The following CTNNA3 variants were observed in gnomAD, a reference collection of about 807,000 sequenced individuals.
CTNNA3 encodes the protein catenin alpha 3.
Under a neutral mutation model 95.7 loss-of-function variants are expected in CTNNA3, and 76 were observed. The ratio of observed to expected loss-of-function variants is 0.79; its 90% CI spans 0.66 to 0.96. CTNNA3 has a LOEUF of 0.96. Among genes scored for constraint, CTNNA3 ranks in the 40% least tolerant of loss-of-function variants. The pLI is 0.00. For synonymous variants in CTNNA3, 431 were observed against 374.4 expected (o/e 1.15, Z -1.74); for missense variants, 1,191 against 1,089.8 (o/e 1.09, Z -1.31).
intron 5 of CTNNA3, among the ~76,000 whole-genome samples, chr10:67,507,534 CAA>C (rs1053294630): frequency 9.3e-6 from 1 of 108,028 alleles, no homozygotes. Context: ...AACTCCATCT[CAA>C]AAAAAAAAGG....
At chr10:67,741,444 A>G (rs1164260042) in intron 1 of CTNNA3, among the ~76,000 whole-genome samples, 3 of 150,946 alleles carry the variant, frequency 2.0e-5, no homozygotes, top group Non-Finnish European at 4.4e-5. Context: ...TACTTTACAG[A>G]CAAGCAAATG....
At chr10:66,147,608 G>GTTTTTTTTTT (rs34193216) in intron 13 of CTNNA3, among the ~76,000 whole-genome samples, 25 of 105,758 alleles carry the variant, frequency 2.4e-4, no homozygotes, top group East Asian at 5.7e-4. Context: ...GTTGCTTTCA[G>GTTTTTTTTTT]TTTTTTTTTT....
rs190514940 is a variant in CTNNA3 at position 66,330,986 on chromosome 10, G to C, written c.1732+48166C>G. Among the ~76,000 whole-genome samples the C allele has an allele frequency of 3.3e-3, 507 of 152,154 alleles. 4 individuals carry two copies. Among genetic ancestry groups the C allele is most frequent in the African/African-American group, 0.011 (476 of 41,534 alleles). ...ATATTAGCCCTTTGTCAGATGAGTA[G>C]ATGGCAAAAATTTTCTCCCATTCTG... On this transcript the variant is annotated intron_variant, in intron 12 of 17. Transcript: ENST00000433211.
At chr10:65,948,600 A>G (rs555927338) in intron 17 of CTNNA3, among the ~76,000 whole-genome samples, 1 of 152,166 alleles carries the variant, frequency 6.6e-6, no homozygotes, top group East Asian at 1.9e-4. Flanking sequence ...AGGTCATATT[A>G]TTACCACAAA....
At chr10:66,236,278 C>G (rs1010726089) in intron 13 of CTNNA3, among the ~76,000 whole-genome samples, 1 of 152,074 alleles carries the variant, frequency 6.6e-6, no homozygotes, top group Non-Finnish European at 1.5e-5. Context: ...GATCAGTTGT[C>G]TTACAGAATT....
intron 12 of CTNNA3, among the ~76,000 whole-genome samples, chr10:66,309,421 A>G (rs556175993): frequency 1.9e-3 from 293 of 152,178 alleles, no homozygotes; most frequent in Non-Finnish European, 3.0e-3. Flanking sequence ...GGCCGGGTGC[A>G]GTGGCTCACG....
intron 13 of CTNNA3, among the ~76,000 whole-genome samples, chr10:66,140,892 T>C (rs1391114363): frequency 6.6e-6 from 1 of 152,192 alleles, no homozygotes; most frequent in Non-Finnish European, 1.5e-5. Flanking sequence ...TCATTGTTGT[T>C]GCTGTTGGTT....
rs1415873912 is a variant in CTNNA3, at chr10:67,237,145, T to C, written c.580-17275A>G. Among the ~76,000 whole-genome samples, 402 of 72,084 alleles carry C rather than the reference T, an allele frequency of 5.6e-3. 16 individuals are homozygous for C. Among genetic ancestry groups the C allele is most frequent in the East Asian group, 0.053 (146 of 2,738 alleles). 47.3% of individuals were successfully genotyped at this position (72,084 alleles called of 152,430 possible). On this transcript the variant is annotated intron_variant, in intron 5 of 17. Coordinates refer to ENST00000433211, the MANE Select transcript of CTNNA3 (RefSeq NM_013266.4). ...GTGTATGTATATATATATATATATA[T>C]ATATATATATATATATATATATATA...
At chr10:66,327,680 C>T (rs2092271875) in intron 12 of CTNNA3, among the ~76,000 whole-genome samples, 1 of 151,854 alleles carries the variant, frequency 6.6e-6, no homozygotes, top group African/African-American at 2.4e-5. Context: ...TTCTTAGGAC[C>T]CTATAATATG....
intron 3 of CTNNA3, among the ~76,000 whole-genome samples, chr10:67,580,231 T>A (rs1842335485): frequency 2.0e-5 from 3 of 152,240 alleles, no homozygotes; most frequent in African/African-American, 7.2e-5. Flanking sequence ...TTAATTTTTG[T>A]ATAAGGTGTA....
chr10:67,727,157 A>ATATAATATATGATACATATATTATATAAT (rs1188600607), intron 1 of CTNNA3, among the ~76,000 whole-genome samples: 1 of 121,512 alleles, frequency 8.2e-6, no homozygotes, highest in African/African-American at 3.1e-5. Flanking sequence ...TTATATAATT[A>ATATAATATATGATACATATATTATATAAT]TATATAATAT....
In CTNNA3 at chr10:67,366,666, A is replaced by C. The variant is rs9787459; in HGVS notation, c.580-146796T>G. On this transcript the variant is annotated intron_variant, in intron 5 of 17. Transcript: ENST00000433211. The stretch of plus-strand genomic sequence containing the variant: ...AAAGGAAAAAAAAAAAGACACATAG[A>C]TTAATGGGACAGAATAGAGAACAGA... 0.018 allele frequency among the ~76,000 whole-genome samples: 2,708 copies of C among 152,098 alleles called. 207 individuals are homozygous for C. The East Asian group carries it at 0.24, about 13-fold the overall frequency.
At chr10:67,014,688 G>T (rs1324378315) in intron 7 of CTNNA3, among the ~76,000 whole-genome samples, 2 of 151,862 alleles carry the variant, frequency 1.3e-5, no homozygotes, top group African/African-American at 4.8e-5. Context: ...TCATTGAGAT[G>T]ATATATGTCC....
chr10:66,702,521 A>C lies in CTNNA3; in HGVS notation c.1281+63743T>G, dbSNP rs140663258. Reference sequence around the variant, plus strand: ...GGAGTTCGAGACTAGCCTGACCAACATGGTGAAACCCCATCTCTACTAAAA... The same window carrying C: ...GGAGTTCGAGACTAGCCTGACCAACCTGGTGAAACCCCATCTCTACTAAAA... On this transcript the variant is annotated intron_variant, in intron 9 of 17. Transcript: ENST00000433211. Among the ~76,000 whole-genome samples the C allele has an allele frequency of 3.9e-3, 592 of 152,062 alleles. 5 individuals are homozygous for C. The highest frequency in any genetic ancestry group is 0.013 in the African/African-American group (558 of 41,476).
At chr10:66,600,362 A>G (rs1439378597) in intron 10 of CTNNA3, among the ~76,000 whole-genome samples, 1 of 151,774 alleles carries the variant, frequency 6.6e-6, no homozygotes, top group Non-Finnish European at 1.5e-5. Flanking sequence ...TTCCAGTATC[A>G]CTCATGTGCG....
intron 11 of CTNNA3, among the ~76,000 whole-genome samples, chr10:66,519,177 G>T (rs996689293): frequency 6.6e-6 from 1 of 152,000 alleles, no homozygotes; most frequent in Non-Finnish European, 1.5e-5. Flanking sequence ...TAAAAAAGAC[G>T]AAAATGTGTT....
intron 7 of CTNNA3, among the ~76,000 whole-genome samples, chr10:67,163,356 G>GA (rs1328638542): frequency 5.9e-5 from 9 of 151,782 alleles, no homozygotes; most frequent in African/African-American, 1.9e-4. Flanking sequence ...AACTAAACAA[G>GA]AAAAATCATA....
intron 7 of CTNNA3, among the ~76,000 whole-genome samples, chr10:66,986,111 A>C (rs16923871): frequency 0.048 from 7,285 of 152,258 alleles, 371 homozygotes; most frequent in African/African-American, 0.13. Flanking sequence ...ACTAACTATA[A>C]ATTCCAGATT....
chr10:66,937,218 G>A lies in CTNNA3; in HGVS notation c.1048-161694C>T, dbSNP rs555284207. Among the ~76,000 whole-genome samples the A allele has an allele frequency of 2.9e-4, 44 of 152,134 alleles. No individual in the cohort carries two copies. In the South Asian group the frequency reaches 8.1e-3, roughly 28 times the overall value. ...TTTGAATTCTGTTTCTGGGATTTTA[G>A]TAACTGTGAAACCTTGAGTCTCAAC... On this transcript the variant is annotated intron_variant, in intron 7 of 17. Coordinates refer to ENST00000433211, the MANE Select transcript of CTNNA3 (RefSeq NM_013266.4).
Sources: allele counts gnomAD v4.1 joint callset (sites outside exome capture counted in the v4.1 genomes callset), GRCh38; gene constraint gnomAD v4.1.1; transcripts MANE v1.5; gene names NCBI Gene and HGNC (gene_info 2026-07-23, HGNC 2026-07-21).